The following AGAP1 variants were observed in gnomAD, a reference collection of about 807,000 sequenced individuals.
The protein encoded by AGAP1 is ArfGAP with GTPase domain, ankyrin repeat and PH domain 1.
AGAP1 carries 29 observed loss-of-function variants against 105.3 expected under a neutral mutation model. That is an observed-to-expected ratio of 0.28 (90% CI 0.21 to 0.38). AGAP1 has a LOEUF of 0.38. AGAP1 is among the 10% of genes least tolerant of loss of function. The pLI, the probability that AGAP1 is intolerant of heterozygous loss-of-function variation, is 1.00. For missense variants in AGAP1, 998 were observed against 1,165.1 expected (o/e 0.86, Z 2.09); for synonymous variants, 509 against 485.9 (o/e 1.05, Z -0.63).
chr2:235,848,585 C>A (rs148511547), intron 9 of AGAP1, among the ~76,000 whole-genome samples: 7 of 152,332 alleles, frequency 4.6e-5, no homozygotes, highest in African/African-American at 1.7e-4. Context: ...TCATTACTCT[C>A]GAGAATAATA....
chr2:236,012,306 C>T lies in AGAP1; in HGVS notation c.1646-24255C>T, dbSNP rs2056541810. On this transcript the variant is annotated intron_variant, in intron 13 of 17. Coordinates refer to ENST00000304032, the MANE Select transcript of AGAP1 (RefSeq NM_001037131.3). This position sits in a 1 kb window ranked among gnomAD's most constrained non-coding sequence, Gnocchi z 4.9. ...TCCCCTCCCGAGGGGTGCCCAGCCT[C>T]CATTCTGCCTATTTATATGTAAATA... 6.6e-6 allele frequency among the ~76,000 whole-genome samples: 1 copy of T among 151,942 alleles called. No individual in the cohort carries two copies. Among genetic ancestry groups the T allele is most frequent in the African/African-American group, 2.4e-5 (1 of 41,312 alleles).
chr2:235,849,970 A>G (rs966542016), intron 9 of AGAP1, among the ~76,000 whole-genome samples: 3 of 152,128 alleles, frequency 2.0e-5, no homozygotes, highest in South Asian at 2.1e-4. Flanking sequence ...AGCCTTCTTC[A>G]TAGCCTCTTC....
intron 1 of AGAP1, among the ~76,000 whole-genome samples, chr2:235,533,972 A>C (rs1235371095): frequency 3.3e-5 from 5 of 152,248 alleles, no homozygotes; most frequent in African/African-American, 1.2e-4. Flanking sequence ...GAACTTCTCC[A>C]GGGAGGGAGT....
At chr2:235,857,007 C>T (rs2048713237) in intron 9 of AGAP1, among the ~76,000 whole-genome samples, 1 of 152,110 alleles carries the variant, frequency 6.6e-6, no homozygotes, top group African/African-American at 2.4e-5. Context: ...ATTTAATGGG[C>T]CGGGATTTGT....
intron 6 of AGAP1, among the ~76,000 whole-genome samples, chr2:235,786,980 A>T (rs1375641093): frequency 6.6e-6 from 1 of 152,156 alleles, no homozygotes; most frequent in African/African-American, 2.4e-5. Context: ...TTTTGTTTCC[A>T]TCAGGCTTCC....
chr2:235,589,820 C>G (rs1945269315), intron 1 of AGAP1, among the ~76,000 whole-genome samples: 1 of 148,568 alleles, frequency 6.7e-6, no homozygotes, highest in African/African-American at 2.4e-5. Flanking sequence ...TTCAGAGCAT[C>G]TAGAGAGAGA....
At position 235,622,778 on chromosome 2, in the gene AGAP1, G is replaced by A. The variant is rs1460917357; in HGVS notation, c.164-86401G>A. 6.6e-6 allele frequency among the ~76,000 whole-genome samples: 1 copy of A among 151,914 alleles called. No homozygotes were observed. Among genetic ancestry groups the A allele is most frequent in the East Asian group, 1.9e-4 (1 of 5,176 alleles). On this transcript the variant is annotated intron_variant, in intron 1 of 17. Transcript: ENST00000304032. This position sits in a 1 kb window ranked among gnomAD's most constrained non-coding sequence, Gnocchi z 5.0. ...TCTTAGCGCTAAGCCATTTTCCCAG[G>A]CCGGGTTATGCAGTGAGACTTCAGG...
chr2:236,057,774 C>T (rs561320064), intron 16 of AGAP1, among the ~76,000 whole-genome samples: 1 of 152,294 alleles, frequency 6.6e-6, no homozygotes, highest in South Asian at 2.1e-4. Context: ...GGTAATTCCT[C>T]ATTTCTAAGA....
At chr2:235,923,703 T>C (rs747810829) in intron 11 of AGAP1, among the ~76,000 whole-genome samples, 20 of 152,204 alleles carry the variant, frequency 1.3e-4, no homozygotes, top group Non-Finnish European at 2.6e-4. Flanking sequence ...TTGGGTAATG[T>C]TCCGTTGTGC....
chr2:235,738,568 T>A (rs1328755974), intron 3 of AGAP1, among the ~76,000 whole-genome samples: 1 of 151,818 alleles, frequency 6.6e-6, no homozygotes, highest in Non-Finnish European at 1.5e-5. Flanking sequence ...TCTTTCTTTT[T>A]TTTTTTTGAG....
In AGAP1 at chr2:236,120,114, C is replaced by T. The variant is rs1424970327; in HGVS notation, c.2115-78C>T. On this transcript the variant is annotated intron_variant, in intron 16 of 17. Coordinates refer to ENST00000304032, the MANE Select transcript of AGAP1 (RefSeq NM_001037131.3). The surrounding 1 kb of genome is among the most constrained non-coding windows in gnomAD (Gnocchi z 6.0). The stretch of plus-strand genomic sequence containing the variant: ...ATTTCACTTCCCTCTCGGCTTCTCC[C>T]GACCACACTGGGCAGGGGCTGGCAG... 1.4e-5 allele frequency: 21 copies of T among 1,538,364 alleles called. No homozygotes were observed. Among genetic ancestry groups the T allele is most frequent in the South Asian group, 1.2e-4 (9 of 78,116 alleles).
chr2:235,670,286 C>G (rs1948316386), intron 1 of AGAP1: 1 of 442,288 alleles, frequency 2.3e-6, no homozygotes, highest in Non-Finnish European at 3.9e-6. Context: ...CGCGCGCTCC[C>G]CGGACGCGCC....
Position 235,855,827 on chromosome 2 carries a change from A to G in AGAP1, c.1051-27518A>G, listed in dbSNP as rs1006199087. The stretch of plus-strand genomic sequence containing the variant: ...TTAGAGGAAATGCCTTGTTTACCCT[A>G]TGAGGTCTCTAGATGCACGGAGGCT... On this transcript the variant is annotated intron_variant, in intron 9 of 17. Transcript: ENST00000304032. This position sits in a 1 kb window ranked among gnomAD's most constrained non-coding sequence, Gnocchi z 5.0. Among the ~76,000 whole-genome samples, 25 of 152,136 alleles carry G rather than the reference A, an allele frequency of 1.6e-4. No individual in the cohort carries two copies. Among genetic ancestry groups the G allele is most frequent in the African/African-American group, 5.8e-4 (24 of 41,428 alleles).
chr2:235,700,228 C>G lies in AGAP1; in HGVS notation c.164-8951C>G, dbSNP rs1040815806. ...CCTCAGCTAATGGAACACAGTTCTT[C>G]TGAAGGAAATGCGGAAGATAATCCC... is the stretch of plus-strand genomic sequence containing the variant. On this transcript the variant is annotated intron_variant, in intron 1 of 17. Transcript: ENST00000304032. The surrounding 1 kb of genome is among the most constrained non-coding windows in gnomAD (Gnocchi z 6.1). Among the ~76,000 whole-genome samples the G allele has an allele frequency of 5.9e-5, 9 of 152,200 alleles. No individual in the cohort carries two copies. Among genetic ancestry groups the G allele is most frequent in the African/African-American group, 2.2e-4 (9 of 41,446 alleles).
intron 9 of AGAP1, among the ~76,000 whole-genome samples, chr2:235,822,238 A>G (rs965861395): frequency 2.6e-5 from 4 of 152,244 alleles, no homozygotes; most frequent in Non-Finnish European, 5.9e-5. Flanking sequence ...CTTCTGATAA[A>G]TGTGTACAGT....
chr2:235,601,004 TCTC>T lies in AGAP1; in HGVS notation c.163+106159_163+106161del, dbSNP rs151008623. On this transcript the variant is annotated intron_variant, in intron 1 of 17. Coordinates refer to ENST00000304032, the MANE Select transcript of AGAP1 (RefSeq NM_001037131.3). The surrounding 1 kb of genome is among the most constrained non-coding windows in gnomAD (Gnocchi z 4.4). ...CAGATCTCAGAGTCCTGGTAACGCC[TCTC>T]CTCTTCTCACTGCCTTCAGTATCCA... Among the ~76,000 whole-genome samples the T allele has an allele frequency of 0.016, 2,456 of 152,168 alleles. 315 individuals carry two copies. The East Asian group carries it at 0.34, about 21-fold the overall frequency.
chr2:235,765,731 T>A (rs534846467), intron 6 of AGAP1, among the ~76,000 whole-genome samples: 2 of 152,340 alleles, frequency 1.3e-5, no homozygotes, highest in African/African-American at 4.8e-5. Context: ...ATCTTTATGG[T>A]CTGTGAATTC....
In AGAP1 at chr2:235,793,312, G is replaced by T. The variant is rs370305287; in HGVS notation, c.674-4447G>T. ...CGGGCAGCCTTGGCGAGCACCTCCT[G>T]TGTGCCAGTCACCACACTCAGTCCT... is the stretch of plus-strand genomic sequence containing the variant. On this transcript the variant is annotated intron_variant, in intron 6 of 17. Transcript: ENST00000304032. The surrounding 1 kb of genome is among the most constrained non-coding windows in gnomAD (Gnocchi z 5.3). 6.6e-6 allele frequency among the ~76,000 whole-genome samples: 1 copy of T among 152,186 alleles called. No individual in the cohort carries two copies. The highest frequency in any genetic ancestry group is 1.5e-5 in the Non-Finnish European group (1 of 68,044).
chr2:236,072,078 CT>C lies in AGAP1; in HGVS notation c.2114+22801del, dbSNP rs564719812. Among the ~76,000 whole-genome samples, 287 of 149,796 alleles carry C rather than the reference CT, an allele frequency of 1.9e-3. 1 individual carries two copies. Among genetic ancestry groups the C allele is most frequent in the African/African-American group, 6.8e-3 (275 of 40,668 alleles). ...GTGGTTTTTCAATTCTCAAAAAAAG[CT>C]TTTGTCTCTCCTGTCTGTTCTCTCC... On this transcript the variant is annotated intron_variant, in intron 16 of 17. Coordinates refer to ENST00000304032, the MANE Select transcript of AGAP1 (RefSeq NM_001037131.3).
Sources: gnomAD v4.1 joint callset for allele counts (sites outside exome capture counted in the v4.1 genomes callset) on GRCh38, gnomAD v4.1.1 for gene constraint, Gnocchi (gnomAD v3.1) non-coding constraint, MANE v1.5 for transcripts, NCBI Gene and HGNC (gene_info 2026-07-23, HGNC 2026-07-21) for gene names.